The following CREBRF variants were observed in gnomAD, a reference collection of about 807,000 sequenced individuals.
CREBRF encodes UPF0474 protein C5orf41.
Under a neutral mutation model 66.1 loss-of-function variants are expected in CREBRF, and 5 were observed. That is an observed-to-expected ratio of 0.08 (90% CI 0.04 to 0.16). CREBRF has a LOEUF of 0.16. CREBRF is among the 10% of genes least tolerant of loss of function. The probability of loss-of-function intolerance (pLI) is 1.00; values close to 1 mark genes in which losing one functional copy is unlikely to be tolerated. For missense variants in CREBRF, 531 were observed against 744.9 expected, an observed-to-expected ratio of 0.71 and a Z score of 3.34; for synonymous variants, 229 against 264.4, an observed-to-expected ratio of 0.87 and a Z score of 1.30.
chr5:173,125,036 A>G (rs1310622671), intron 8 of CREBRF, among the ~76,000 whole-genome samples: 1 of 150,916 alleles, frequency 6.6e-6, no homozygotes, highest in African/African-American at 2.4e-5. Context: ...CTCCTGCCTC[A>G]GCCTCCTGAG....
intron 2 of CREBRF, among the ~76,000 whole-genome samples, chr5:173,082,950 G>A (rs1758009722): frequency 8.1e-6 from 1 of 123,406 alleles, no homozygotes; most frequent in Admixed American, 8.4e-5. Context: ...AAAAAAACCG[G>A]GTGCAGTGGC....
At chr5:173,114,112 C>T (rs2113778781) in intron 7 of CREBRF, among the ~76,000 whole-genome samples, 1 of 152,088 alleles carries the variant, frequency 6.6e-6, no homozygotes, top group African/African-American at 2.4e-5. Flanking sequence ...ATTTTGTTTC[C>T]TTTGGTGAGG....
intron 3 of CREBRF, among the ~76,000 whole-genome samples, chr5:173,088,621 A>AG (rs1241754086): frequency 6.6e-6 from 1 of 152,108 alleles, no homozygotes; most frequent in African/African-American, 2.4e-5. Flanking sequence ...AATGACATAA[A>AG]GAATGTGGCA....
intron 4 of CREBRF, chr5:173,092,323 A>G (rs1295039694): frequency 1.0e-6 from 1 of 983,204 alleles, no homozygotes; most frequent in Non-Finnish European, 1.2e-6. Flanking sequence ...TAATTTGGTG[A>G]GCATGAAGGA....
chr5:173,113,813 C>T (rs1347659275), intron 7 of CREBRF, among the ~76,000 whole-genome samples: 1 of 152,100 alleles, frequency 6.6e-6, no homozygotes, highest in Non-Finnish European at 1.5e-5. Context: ...ACATCTAGAA[C>T]CCTTTTACAG....
intron 4 of CREBRF, among the ~76,000 whole-genome samples, chr5:173,098,870 T>C (rs1758543574): frequency 6.6e-6 from 1 of 150,802 alleles, no homozygotes; most frequent in Non-Finnish European, 1.5e-5. Context: ...ATAGTTGTTA[T>C]TTTTTTACTT....
chr5:173,078,832 T>C (rs1186235139), intron 1 of CREBRF, among the ~76,000 whole-genome samples: 1 of 152,110 alleles, frequency 6.6e-6, no homozygotes, highest in African/African-American at 2.4e-5. Context: ...GCCGACCCTA[T>C]TGCTAGTAAG....
Position 173,131,447 on chromosome 5 carries a change from CTTCTT to C in CREBRF, c.1805-2180_1805-2176del, listed in dbSNP as rs556624108. Among the ~76,000 whole-genome samples, 31 of 152,160 alleles carry C rather than the reference CTTCTT, an allele frequency of 2.0e-4. 1 individual carries two copies. The South Asian group carries it at 6.2e-3, about 30-fold the overall frequency. ...TCATGCATTGCATTTAGTCATATCT[CTTCTT>C]TTGTTTTCTTTAGTCTACATCAGTC... On this transcript the variant is annotated intron_variant, in intron 8 of 8. Coordinates refer to ENST00000296953, the MANE Select transcript of CREBRF (RefSeq NM_153607.3).
chr5:173,078,330 A>G (rs1757832882), intron 1 of CREBRF, among the ~76,000 whole-genome samples: 1 of 152,086 alleles, frequency 6.6e-6, no homozygotes, highest in Non-Finnish European at 1.5e-5. Context: ...GTTGTGAGGA[A>G]CCAGTTTCCT....
chr5:173,095,183 C>CTTTTTTTT (rs34893180), intron 4 of CREBRF, among the ~76,000 whole-genome samples: 9 of 89,594 alleles, frequency 1.0e-4, no homozygotes, highest in South Asian at 4.0e-4. Flanking sequence ...ATTACTATAG[C>CTTTTTTTT]TTTTTTTTTT....
intron 8 of CREBRF, among the ~76,000 whole-genome samples, chr5:173,130,667 A>G (rs967041762): frequency 6.6e-6 from 1 of 151,920 alleles, no homozygotes; most frequent in African/African-American, 2.4e-5. Context: ...AGGACTACAG[A>G]TGTGCGCCAC....
chr5:173,072,421 A>G (rs168763), intron 1 of CREBRF, among the ~76,000 whole-genome samples: 73,830 of 151,666 alleles, frequency 0.49, 19,110 homozygotes, highest in Non-Finnish European at 0.58. Flanking sequence ...GACTACAGGC[A>G]CTGGCCACCA....
chr5:173,108,872 C>T (rs1758809081), intron 5 of CREBRF, 54 bp downstream of exon 5: 2 of 1,522,984 alleles, frequency 1.3e-6, no homozygotes, highest in African/African-American at 2.8e-5. Flanking sequence ...AGTTGAGCTA[C>T]TAATCCATAA....
chr5:173,134,694 TAA>T lies in CREBRF; in HGVS notation c.*950_*951del. 1 of 152,270 alleles carries T rather than the reference TAA, an allele frequency of 6.6e-6. No homozygotes were observed. The highest frequency in any genetic ancestry group is 1.5e-5 in the Non-Finnish European group (1 of 68,112). The allele number at this position is 152,270 out of a possible 1,614,324, so 9.4% of individuals were successfully genotyped here. ...CAACTGATATGGCAAACTGCCAGTCTAAGTAAAGTTTTGCACAGCTTACATGA... is the reference window on the plus strand; with the variant it reads ...CAACTGATATGGCAAACTGCCAGTCTGTAAAGTTTTGCACAGCTTACATGA... On this transcript the variant is annotated 3_prime_UTR_variant, in exon 9 of 9. Transcript: ENST00000296953.
intron 4 of CREBRF, among the ~76,000 whole-genome samples, chr5:173,103,301 G>A (rs1758672593): frequency 2.0e-5 from 3 of 152,160 alleles, no homozygotes; most frequent in Admixed American, 6.5e-5. Flanking sequence ...TCTCACAAAT[G>A]TTAATGAGCA....
intron 1 of CREBRF, among the ~76,000 whole-genome samples, chr5:173,075,300 G>A (rs1051039384): frequency 6.6e-6 from 1 of 152,204 alleles, no homozygotes; most frequent in African/African-American, 2.4e-5. Flanking sequence ...TTCACCTGCA[G>A]TTTTGGTTAC....
rs1759588058 is a variant in CREBRF at position 173,136,376 on chromosome 5, G to C, written c.*2631G>C. ...CTTTATTTTGTACCTATTTATATAT[G>C]TATGTATATCTTAGAAAAGCACTTT... On this transcript the variant is annotated 3_prime_UTR_variant, in exon 9 of 9. Transcript: ENST00000296953. The C allele has an allele frequency of 6.6e-6, 1 of 152,272 alleles. No individual in the cohort carries two copies. Among genetic ancestry groups the C allele is most frequent in the South Asian group, 2.1e-4 (1 of 4,804 alleles). The allele number at this position is 152,272 out of a possible 1,614,324, so 9.4% of individuals were successfully genotyped here. A position where few individuals can be genotyped will look rare whatever the true frequency, so the allele number is the denominator to read the frequency against.
At chr5:173,120,351 T>A (rs997808482) in intron 7 of CREBRF, among the ~76,000 whole-genome samples, 4 of 151,964 alleles carry the variant, frequency 2.6e-5, no homozygotes, top group African/African-American at 9.7e-5. Context: ...GCTTTATTTC[T>A]TCTTGTATGG....
intron 1 of CREBRF, among the ~76,000 whole-genome samples, chr5:173,062,855 C>T (rs1757317005): frequency 6.7e-6 from 1 of 148,866 alleles, no homozygotes; most frequent in Non-Finnish European, 1.5e-5. Flanking sequence ...TCACGCCATT[C>T]TCCTGCCTCA....
Sources: gnomAD v4.1 joint callset for allele counts (sites outside exome capture counted in the v4.1 genomes callset) on GRCh38, gnomAD v4.1.1 for gene constraint, MANE v1.5 for transcripts, NCBI Gene and HGNC (gene_info 2026-07-23, HGNC 2026-07-21) for gene names.